INTS9: variants seen among roughly 807,000 people sequenced by gnomAD.
The protein encoded by INTS9 is protein related to CPSF subunits of 74 kDa.
INTS9 carries 55 observed loss-of-function variants against 79.7 expected under a neutral mutation model. That is an observed-to-expected ratio of 0.69 (90% CI 0.56 to 0.86). The LOEUF is 0.86. Among genes scored for constraint, INTS9 ranks in the 40% least tolerant of loss-of-function variants. The pLI is 0.00. For missense variants in INTS9, 721 were observed against 831.5 expected, an observed-to-expected ratio of 0.87 and a Z score of 1.64; for synonymous variants, 319 against 325.2, an observed-to-expected ratio of 0.98 and a Z score of 0.20.
In INTS9 at chr8:28,771,010, TGCA is replaced by T; in HGVS notation, c.1631_1633del (p.Leu544del). ...AAGCAAGTGCTTGTTATCTTTGGTG[TGCA>T]GCACGGCCGAGACAGTTGCCAAGGA... On this transcript the variant is annotated inframe_deletion, in exon 15 of 17. Coordinates refer to ENST00000521022, the MANE Select transcript of INTS9 (RefSeq NM_018250.4). 1 of 1,613,614 alleles carries T rather than the reference TGCA, an allele frequency of 6.2e-7. No homozygotes were observed. Among genetic ancestry groups the T allele is most frequent in the Non-Finnish European group, 8.5e-7 (1 of 1,179,904 alleles).
intron 1 of INTS9, among the ~76,000 whole-genome samples, chr8:28,867,164 T>G (rs1585504415): frequency 1.3e-5 from 2 of 152,234 alleles, no homozygotes; most frequent in East Asian, 3.9e-4. Context: ...GGCTCATGCC[T>G]GTAATCCCAG....
At chr8:28,785,719 G>A (rs565120601) in intron 11 of INTS9, among the ~76,000 whole-genome samples, 73 of 152,086 alleles carry the variant, frequency 4.8e-4, no homozygotes, top group Non-Finnish European at 4.4e-5. Flanking sequence ...CTGCTCCCAG[G>A]CCCTCTGTGT....
chr8:28,889,287 A>G (rs1810431158), intron 1 of INTS9, among the ~76,000 whole-genome samples: 1 of 152,178 alleles, frequency 6.6e-6, no homozygotes, highest in Admixed American at 6.5e-5. Context: ...AAGTCCCTAC[A>G]GTCTTAGAAT....
At chr8:28,792,171 A>G (rs1331510711) in intron 10 of INTS9, among the ~76,000 whole-genome samples, 1 of 152,246 alleles carries the variant, frequency 6.6e-6, no homozygotes, top group African/African-American at 2.4e-5. Flanking sequence ...AAAGTCTGGC[A>G]TATGGCATTA....
intron 2 of INTS9, among the ~76,000 whole-genome samples, chr8:28,852,333 A>G (rs1807891866): frequency 6.6e-6 from 1 of 151,188 alleles, no homozygotes; most frequent in South Asian, 2.1e-4. Flanking sequence ...TTTTTAAAAA[A>G]GTTTTTAAAA....
intron 8 of INTS9, 56 bp from the exon 9 acceptor site, chr8:28,796,711 A>C (rs990324377): frequency 9.6e-7 from 1 of 1,043,420 alleles, no homozygotes; most frequent in African/African-American, 1.6e-5. Context: ...TTACCTACAA[A>C]TAGTGAAAGA....
chr8:28,795,915 A>G (rs945814994), intron 9 of INTS9, among the ~76,000 whole-genome samples: 1 of 152,252 alleles, frequency 6.6e-6, no homozygotes, highest in Non-Finnish European at 1.5e-5. Flanking sequence ...TCCGAAGGAA[A>G]ATAAATTTCT....
intron 1 of INTS9, chr8:28,862,141 G>A (rs1338250995): frequency 2.8e-5 from 28 of 985,286 alleles, no homozygotes; most frequent in East Asian, 1.1e-4. Context: ...GGCCTCCAGC[G>A]ATGCTCTTTG....
intron 1 of INTS9, among the ~76,000 whole-genome samples, chr8:28,883,036 A>T (rs759126570): frequency 2.6e-5 from 4 of 151,962 alleles, no homozygotes; most frequent in Non-Finnish European, 5.9e-5. Context: ...TTTTCTTGCG[A>T]TCCCTGCAAA....
intron 1 of INTS9, among the ~76,000 whole-genome samples, chr8:28,882,069 TAGA>T (rs1809871488): frequency 1.4e-5 from 2 of 144,708 alleles, no homozygotes; most frequent in Non-Finnish European, 3.0e-5. Flanking sequence ...TCTGTGTGGA[TAGA>T]AGTAGACATG....
At chr8:28,778,518 G>GC (rs1006276408) in intron 12 of INTS9, among the ~76,000 whole-genome samples, 1 of 152,160 alleles carries the variant, frequency 6.6e-6, no homozygotes, top group Non-Finnish European at 1.5e-5. Flanking sequence ...CAAGCGCACG[G>GC]CCCCGCCTCC....
At chr8:28,881,364 G>C (rs1809783002) in intron 1 of INTS9, among the ~76,000 whole-genome samples, 6 of 138,668 alleles carry the variant, frequency 4.3e-5, no homozygotes, top group Admixed American at 4.3e-4. Flanking sequence ...CCTCTGCCCG[G>C]CCGCCCCTAC....
intron 12 of INTS9, among the ~76,000 whole-genome samples, chr8:28,779,199 C>T (rs1208748056): frequency 1.3e-5 from 2 of 152,202 alleles, no homozygotes; most frequent in African/African-American, 4.8e-5. Flanking sequence ...GGACAACCTC[C>T]TAATTAATGA....
chr8:28,772,793 C>T (rs1186321926), intron 14 of INTS9, among the ~76,000 whole-genome samples: 4 of 150,240 alleles, frequency 2.7e-5, no homozygotes, highest in East Asian at 2.0e-4. Context: ...GGCAACACAG[C>T]GAGACTCCGT....
At chr8:28,835,246 C>T in intron 6 of INTS9, 46 bp downstream of exon 6, 1 of 1,316,376 alleles carries the variant, frequency 7.6e-7, no homozygotes, top group South Asian at 1.2e-5. Flanking sequence ...CTTTGCAAAG[C>T]ACCTGGCTCT....
At chr8:28,865,875 T>C (rs1341819463) in intron 1 of INTS9, among the ~76,000 whole-genome samples, 1 of 152,202 alleles carries the variant, frequency 6.6e-6, no homozygotes, top group Admixed American at 6.5e-5. Flanking sequence ...TAGTTTCTAC[T>C]TCTGGAATGC....
Position 28,793,826 on chromosome 8 carries a change from A to C in INTS9, c.1018T>G (p.Ser340Ala). 1.2e-6 allele frequency: 2 copies of C among 1,607,764 alleles called. No homozygotes were observed. Among genetic ancestry groups the C allele is most frequent in the Non-Finnish European group, 1.7e-6 (2 of 1,177,820 alleles). ...SPVANSSLEF[S>A]QIFAEWLCHN... is the part of the protein sequence containing the mutation. ...ACATACCACTCAGCAAAGATCTGGG[A>C]AAACTCCAGTGAACTGTTGGCCACA... Residue 340 changes from serine (S) to alanine (A), a missense_variant, in exon 10 of 17, where the codon TCC (serine) becomes GCC (alanine). Physicochemically the swap from Ser to Ala is moderately conservative, Grantham distance 99. Transcript: ENST00000521022.
At chr8:28,857,646 C>T (rs1398525500) in intron 2 of INTS9, among the ~76,000 whole-genome samples, 5 of 152,066 alleles carry the variant, frequency 3.3e-5, no homozygotes, top group Admixed American at 6.5e-5. Context: ...GAAAAAGTGA[C>T]GAGTATGGAA....
intron 2 of INTS9, among the ~76,000 whole-genome samples, chr8:28,859,128 G>C (rs1303754429): frequency 6.6e-6 from 1 of 152,208 alleles, no homozygotes; most frequent in African/African-American, 2.4e-5. Flanking sequence ...GGGCTCAGCA[G>C]TTGACCATTT....
Sources: allele counts gnomAD v4.1 joint callset (sites outside exome capture counted in the v4.1 genomes callset), GRCh38; gene constraint gnomAD v4.1.1; transcripts MANE v1.5; gene names NCBI Gene and HGNC (gene_info 2026-07-23, HGNC 2026-07-21).